The following LYPD6 variants were observed in gnomAD, a reference collection of about 807,000 sequenced individuals.
The protein encoded by LYPD6 is LY6/PLAUR domain containing 6, also known as ly6/PLAUR domain-containing protein 6.
LYPD6 carries 15 observed loss-of-function variants against 22.7 expected under a neutral mutation model. That is an observed-to-expected ratio of 0.66 (90% CI 0.44 to 1.02). The LOEUF (loss-of-function observed/expected upper bound fraction) is 1.02, where lower values mean the gene tolerates loss of function less well. LYPD6 is among the 50% of genes least tolerant of loss of function. LYPD6 has a pLI of 0.00. For synonymous variants in LYPD6, 72 were observed against 77.5 expected, an observed-to-expected ratio of 0.93 and a Z score of 0.37; for missense variants, 189 against 208.4, an observed-to-expected ratio of 0.91 and a Z score of 0.57.
chr2:149,437,600 C>T (rs1053191406), intron 1 of LYPD6, 38 bp from the exon 2 acceptor site: 4 of 1,545,706 alleles, frequency 2.6e-6, no homozygotes, highest in Admixed American at 3.5e-5. Context: ...TGGCTTTCTC[C>T]AGTCGATCAC....
chr2:149,425,981 C>T (rs1446608844), intron 1 of LYPD6, among the ~76,000 whole-genome samples: 1 of 152,188 alleles, frequency 6.6e-6, no homozygotes, highest in African/African-American at 2.4e-5. Flanking sequence ...AGGATATGTA[C>T]ACACATAGAT....
intron 1 of LYPD6, among the ~76,000 whole-genome samples, chr2:149,376,217 G>T (rs1232412717): frequency 6.6e-6 from 1 of 152,178 alleles, no homozygotes; most frequent in Non-Finnish European, 1.5e-5. Context: ...CTCCAGATTT[G>T]CGGTCTAAAA....
chr2:149,335,876 A>G (rs1309532113), intron 1 of LYPD6, among the ~76,000 whole-genome samples: 3 of 152,226 alleles, frequency 2.0e-5, no homozygotes, highest in Non-Finnish European at 1.5e-5. Context: ...ACAAAAGGCT[A>G]TACCATATAA....
chr2:149,365,840 T>C (rs1681650934), intron 1 of LYPD6, among the ~76,000 whole-genome samples: 1 of 152,202 alleles, frequency 6.6e-6, no homozygotes, highest in Admixed American at 6.5e-5. Context: ...ATGTTTTTGT[T>C]CCTCAACAAC....
At chr2:149,428,597 C>A (rs1367396592) in intron 1 of LYPD6, among the ~76,000 whole-genome samples, 2 of 152,162 alleles carry the variant, frequency 1.3e-5, no homozygotes, top group Non-Finnish European at 2.9e-5. Flanking sequence ...AGGAAGACTT[C>A]TAATTGGCCA....
chr2:149,404,529 CTGTT>C (rs1323336399), intron 1 of LYPD6, among the ~76,000 whole-genome samples: 31 of 152,110 alleles, frequency 2.0e-4, no homozygotes, highest in African/African-American at 6.8e-4. Flanking sequence ...ATTTGGCTCT[CTGTT>C]TGTCTGTTAT....
chr2:149,367,196 A>G (rs894508234), intron 1 of LYPD6, among the ~76,000 whole-genome samples: 1 of 152,158 alleles, frequency 6.6e-6, no homozygotes, highest in African/African-American at 2.4e-5. Flanking sequence ...GGTCTATTAC[A>G]AGGCTGCAAT....
intron 1 of LYPD6, among the ~76,000 whole-genome samples, chr2:149,403,054 A>G (rs1446058798): frequency 6.6e-6 from 1 of 152,158 alleles, no homozygotes; most frequent in East Asian, 1.9e-4. Context: ...TACAAAGGAC[A>G]TGAACTCATC....
intron 4 of LYPD6, among the ~76,000 whole-genome samples, chr2:149,469,406 C>T (rs1335760099): frequency 1.3e-5 from 2 of 152,138 alleles, no homozygotes; most frequent in African/African-American, 4.8e-5. Context: ...GGCAGCCTTG[C>T]CCTCTATACG....
intron 3 of LYPD6, 129 bp downstream of exon 3, chr2:149,449,276 A>T: frequency 1.7e-6 from 1 of 595,412 alleles, no homozygotes. Context: ...AGGCTATTAG[A>T]TCTTTTGTAC....
At chr2:149,333,272 C>T (rs913837891) in intron 1 of LYPD6, among the ~76,000 whole-genome samples, 11 of 152,156 alleles carry the variant, frequency 7.2e-5, no homozygotes, top group African/African-American at 2.4e-4. Flanking sequence ...CAATAAGAAG[C>T]GTACAGATAT....
intron 1 of LYPD6, among the ~76,000 whole-genome samples, chr2:149,394,423 C>T (rs1239547335): frequency 6.6e-6 from 1 of 152,130 alleles, no homozygotes; most frequent in Non-Finnish European, 1.5e-5. Flanking sequence ...TATTTAACAC[C>T]TCAAAATATA....
At chr2:149,361,943 C>G (rs1681578277) in intron 1 of LYPD6, among the ~76,000 whole-genome samples, 1 of 151,970 alleles carries the variant, frequency 6.6e-6, no homozygotes, top group African/African-American at 2.4e-5. Flanking sequence ...AGGGGATAGT[C>G]AGAAGAAGCA....
intron 2 of LYPD6, among the ~76,000 whole-genome samples, chr2:149,445,321 A>G (rs1018216264): frequency 6.6e-6 from 1 of 152,254 alleles, no homozygotes; most frequent in African/African-American, 2.4e-5. Context: ...GATTTTAAGA[A>G]TGATAAATTA....
chr2:149,338,169 C>T lies in LYPD6; in HGVS notation c.-72+7447C>T, dbSNP rs1313311129. Among the ~76,000 whole-genome samples the T allele has an allele frequency of 3.9e-5, 6 of 152,114 alleles. No homozygotes were observed. In the East Asian group the frequency reaches 1.2e-3, roughly 29 times the overall value. ...ATTTGTATTCCTTTGGGTATATACC[C>T]AATAATGGGATTGCTGGGTCAAGTG... On this transcript the variant is annotated intron_variant, in intron 1 of 4. Transcript: ENST00000334166.
At chr2:149,392,228 C>T (rs1031148089) in intron 1 of LYPD6, among the ~76,000 whole-genome samples, 2 of 152,166 alleles carry the variant, frequency 1.3e-5, no homozygotes, top group Non-Finnish European at 2.9e-5. Context: ...CCCAAAGGCA[C>T]ATCTCCAAAT....
chr2:149,475,264 G>T (rs1681430731), downstream of LYPD6, among the ~76,000 whole-genome samples: 1 of 152,052 alleles, frequency 6.6e-6, no homozygotes, highest in African/African-American at 2.4e-5. Flanking sequence ...AAAACACTGA[G>T]AATCTGTTAT....
rs1315519607 is a variant in LYPD6, at chr2:149,470,751, A to G, written c.417A>G (p.Thr139=). Residue 139 remains threonine, a synonymous_variant, in exon 5 of 5, where the codon ACA becomes ACG. Coordinates refer to ENST00000334166, the MANE Select transcript of LYPD6 (RefSeq NM_194317.5). The part of the protein sequence containing the change: ...LPLPRNETDA[T]FATTSPINQT... Reference sequence around the variant, plus strand: ...TGCCCCGAAATGAAACTGATGCCACATTTGCCACGACGTCACCTATAAATC... The same window carrying G: ...TGCCCCGAAATGAAACTGATGCCACGTTTGCCACGACGTCACCTATAAATC... 2 of 1,613,784 alleles carry G rather than the reference A, an allele frequency of 1.2e-6. No homozygotes were observed. The highest frequency in any genetic ancestry group is 8.5e-7 in the Non-Finnish European group (1 of 1,179,798).
intron 1 of LYPD6, among the ~76,000 whole-genome samples, chr2:149,354,863 A>T (rs1432405719): frequency 6.6e-6 from 1 of 152,180 alleles, no homozygotes; most frequent in African/African-American, 2.4e-5. Flanking sequence ...GGCTAGCCAA[A>T]AATTGTGCCT....
Sources: allele counts gnomAD v4.1 joint callset (sites outside exome capture counted in the v4.1 genomes callset), GRCh38; gene constraint gnomAD v4.1.1; transcripts MANE v1.5; gene names NCBI Gene and HGNC (gene_info 2026-07-23, HGNC 2026-07-21).